Variants in RNF157 observed in about 807,000 individuals in gnomAD.
The protein encoded by RNF157 is E3 ubiquitin ligase RNF157.
RNF157 carries 55 observed loss-of-function variants against 88.3 expected under a neutral mutation model. The ratio of observed to expected loss-of-function variants is 0.62; its 90% CI spans 0.50 to 0.78. RNF157 has a LOEUF of 0.78. Ranked by LOEUF, RNF157 falls within the 30% of genes least tolerant of loss-of-function variation. The pLI, the probability that RNF157 is intolerant of heterozygous loss-of-function variation, is 0.00. For missense variants in RNF157, 788 were observed against 860.8 expected (o/e 0.92, Z 1.06); for synonymous variants, 334 against 341.2 (o/e 0.98, Z 0.23).
intron 13 of RNF157, 66 bp from the exon 14 acceptor site, chr17:76,156,387 G>A (rs1328529621): frequency 2.6e-5 from 41 of 1,606,972 alleles, no homozygotes; most frequent in Middle Eastern, 1.7e-4. Context: ...TGGAGGAAGG[G>A]GTCAGGGCGG....
At chr17:76,184,144 T>C (rs990245998) in intron 2 of RNF157, among the ~76,000 whole-genome samples, 1 of 143,480 alleles carries the variant, frequency 7.0e-6, no homozygotes, top group Non-Finnish European at 1.5e-5. Flanking sequence ...TGAGCCAAGA[T>C]AGTGCCACTG....
At chr17:76,204,113 C>T (rs1476052668) in intron 2 of RNF157, among the ~76,000 whole-genome samples, 1 of 152,166 alleles carries the variant, frequency 6.6e-6, no homozygotes, top group Non-Finnish European at 1.5e-5. Context: ...AGATATGAAC[C>T]CAATTTGTCT....
Position 76,176,116 on chromosome 17 carries a change from A to G in RNF157, c.208-2326T>C, listed in dbSNP as rs113780419. Among the ~76,000 whole-genome samples the G allele has an allele frequency of 6.6e-6, 1 of 152,242 alleles. No homozygotes were observed. The highest frequency in any genetic ancestry group is 1.5e-5 in the Non-Finnish European group (1 of 68,040). ...TTGCATTCATGCAATCAGAGTCTAC[A>G]TGCAACACTCCATGCCAGGAGTAAG... is the stretch of plus-strand genomic sequence containing the variant. On this transcript the variant is annotated intron_variant, in intron 2 of 18. Transcript: ENST00000269391. The surrounding 1 kb of genome is among the most constrained non-coding windows in gnomAD (Gnocchi z 4.2).
chr17:76,166,982 G>C, intron 5 of RNF157, 27 bp downstream of exon 5: 1 of 1,542,726 alleles, frequency 6.5e-7, no homozygotes, highest in South Asian at 1.1e-5. Flanking sequence ...GAGTGGATGT[G>C]GGAAACCCTC....
intron 2 of RNF157, among the ~76,000 whole-genome samples, chr17:76,187,606 T>A (rs777834551): frequency 5.9e-5 from 9 of 151,972 alleles, no homozygotes; most frequent in South Asian, 2.1e-4. Context: ...TTATTTATTT[T>A]TTTCTGAGAC....
chr17:76,216,295 T>C (rs897872840), intron 1 of RNF157, among the ~76,000 whole-genome samples: 8 of 152,096 alleles, frequency 5.3e-5, no homozygotes, highest in Admixed American at 1.3e-4. Flanking sequence ...GTGGCCATGA[T>C]TGAACCTAGC....
rs2068839940 is a variant in RNF157, at chr17:76,161,228, T to C, written c.1065+307A>G. 6.6e-6 allele frequency among the ~76,000 whole-genome samples: 1 copy of C among 152,124 alleles called. No homozygotes were observed. Among genetic ancestry groups the C allele is most frequent in the South Asian group, 2.1e-4 (1 of 4,826 alleles). ...ATTGTATTTAAATCCAAAATAATCG[T>C]CCCATTGTTTCTGCCTGGGGGAGTT... On this transcript the variant is annotated intron_variant, in intron 11 of 18. Transcript: ENST00000269391. This position sits in a 1 kb window ranked among gnomAD's most constrained non-coding sequence, Gnocchi z 4.6.
intron 1 of RNF157, among the ~76,000 whole-genome samples, chr17:76,229,141 G>T (rs1057234666): frequency 1.3e-5 from 2 of 152,026 alleles, no homozygotes; most frequent in Non-Finnish European, 2.9e-5. Context: ...CATTTCTGAG[G>T]CTCTCTTTCC....
intron 6 of RNF157, 111 bp from the exon 7 acceptor site, chr17:76,165,656 T>A: frequency 8.8e-7 from 1 of 1,137,524 alleles, no homozygotes; most frequent in Non-Finnish European, 1.3e-6. Flanking sequence ...AGTCTGTCTC[T>A]AGAAGGGGCA....
chr17:76,220,985 G>C (rs1052795039), intron 1 of RNF157, among the ~76,000 whole-genome samples: 4 of 151,964 alleles, frequency 2.6e-5, no homozygotes, highest in Admixed American at 1.3e-4. Flanking sequence ...TAGCCGGCTT[G>C]GTGGCAAGGG....
In RNF157 at chr17:76,155,590, G is replaced by A; in HGVS notation, c.1670C>T (p.Ala557Val). The A allele has an allele frequency of 6.2e-7, 1 of 1,612,636 alleles. No individual in the cohort carries two copies. Among genetic ancestry groups the A allele is most frequent in the Non-Finnish European group, 8.5e-7 (1 of 1,179,618 alleles). ...EGEALSSPQP[A>V]SRAPSEEGEG... ...TCCTTCTTCTGAGGGGGCCCTGCTGGCAGGCTGGGGGGAAGAGAGAGCCTC... is the reference window on the plus strand; with the variant it reads ...TCCTTCTTCTGAGGGGGCCCTGCTGACAGGCTGGGGGGAAGAGAGAGCCTC... The change falls in exon 15 of 19, where the codon GCC becomes GTC. Residue 557 changes from alanine to valine, a missense_variant. By Grantham distance (64) the Ala-to-Val change is moderately conservative. Transcript: ENST00000269391.
chr17:76,160,137 C>T lies in RNF157; in HGVS notation c.1066-564G>A, dbSNP rs72868713. On this transcript the variant is annotated intron_variant, in intron 11 of 18. Coordinates refer to ENST00000269391, the MANE Select transcript of RNF157 (RefSeq NM_052916.3). The surrounding 1 kb of genome is among the most constrained non-coding windows in gnomAD (Gnocchi z 4.3). Reference sequence around the variant, plus strand: ...GCCTGGCCAGAACATAAATATTTTCCTTTGTTTCTGAAGCCTCTTTATATA... The same window carrying T: ...GCCTGGCCAGAACATAAATATTTTCTTTTGTTTCTGAAGCCTCTTTATATA... Among the ~76,000 whole-genome samples, 542 of 152,244 alleles carry T rather than the reference C, an allele frequency of 3.6e-3. 2 individuals are homozygous for T. The highest frequency in any genetic ancestry group is 7.3e-3 in the Admixed American group (112 of 15,278).
chr17:76,212,002 A>C (rs2069809534), intron 2 of RNF157: 2 of 162,934 alleles, frequency 1.2e-5, no homozygotes, highest in African/African-American at 2.4e-5. Context: ...CTAGAGGAGG[A>C]GGCAGACAAT....
Position 76,173,765 on chromosome 17 carries a change from T to C in RNF157, c.233A>G (p.Gln78Arg), listed in dbSNP as rs139415450. The change falls in exon 3 of 19, where the codon CAA becomes CGA. Residue 78 changes from glutamine (Q) to arginine (R), a missense_variant. By Grantham distance (43) the Gln-to-Arg change is conservative. Coordinates refer to ENST00000269391, the MANE Select transcript of RNF157 (RefSeq NM_052916.3). ...GCTTCTCAGAGTCTTCACGGGTTCT[T>C]GGGGAGGTGGGGCGGCGTAAGGAAA... ...VVFPYAAPPP[Q>R]EPVKTLRSLV... The C allele has an allele frequency of 5.6e-6, 9 of 1,610,512 alleles. No homozygotes were observed. In the African/African-American group the frequency reaches 1.1e-4, roughly 19 times the overall value.
chr17:76,167,550 G>A lies in RNF157; in HGVS notation c.443+101C>T, dbSNP rs879078743. Reference sequence around the variant, plus strand: ...TCCCTATCTGGGAAGGAAGTGGCTCGCCTGGTCTCCTGATCTTACCTGGTA... The same window carrying A: ...TCCCTATCTGGGAAGGAAGTGGCTCACCTGGTCTCCTGATCTTACCTGGTA... On this transcript the variant is annotated intron_variant, in intron 4 of 18. Transcript: ENST00000269391. The A allele has an allele frequency of 4.6e-5, 68 of 1,486,002 alleles. 1 individual carries two copies. In the South Asian group the frequency reaches 5.5e-4, roughly 12 times the overall value. The allele number at this position is 1,486,002 out of a possible 1,614,324, so 92.1% of individuals were successfully genotyped here. A position where few individuals can be genotyped will look rare whatever the true frequency, so the allele number is the denominator to read the frequency against.
At chr17:76,223,609 C>A (rs1026140797) in intron 1 of RNF157, among the ~76,000 whole-genome samples, 6 of 152,108 alleles carry the variant, frequency 3.9e-5, no homozygotes, top group Admixed American at 3.9e-4. Flanking sequence ...AAATTTTTTT[C>A]TTTCTGACAA....
At chr17:76,212,156 C>T in intron 2 of RNF157, 1 of 492,796 alleles carries the variant, frequency 2.0e-6, no homozygotes, top group Non-Finnish European at 3.6e-6. Context: ...CTCATCCTCT[C>T]CCTCACAAGA....
intron 1 of RNF157, 50 bp from the exon 2 acceptor site, chr17:76,212,532 T>G (rs1455259277): frequency 8.8e-7 from 1 of 1,141,780 alleles, no homozygotes; most frequent in Admixed American, 2.0e-5. Flanking sequence ...ACAGTCAACC[T>G]AAATCTAGTA....
chr17:76,202,358 G>A (rs2069599295), intron 2 of RNF157, among the ~76,000 whole-genome samples: 1 of 152,190 alleles, frequency 6.6e-6, no homozygotes, highest in Non-Finnish European at 1.5e-5. Context: ...GTTCCTTGGA[G>A]TGTCCTTTGC....
Sources: allele counts gnomAD v4.1 joint callset (sites outside exome capture counted in the v4.1 genomes callset), GRCh38; gene constraint gnomAD v4.1.1; non-coding constraint Gnocchi (gnomAD v3.1); transcripts MANE v1.5; gene names NCBI Gene and HGNC (gene_info 2026-07-23, HGNC 2026-07-21).